The following COMMD10 variants were observed in gnomAD, a reference collection of about 807,000 sequenced individuals.
COMMD10 encodes COMM domain containing 10.
Under a neutral mutation model 28.9 loss-of-function variants are expected in COMMD10, and 33 were observed. The observed-to-expected ratio is 1.14, with a 90% CI of 0.87 to 1.53. The LOEUF (loss-of-function observed/expected upper bound fraction) is 1.53, where lower values mean the gene tolerates loss of function less well. COMMD10 is among the 40% of genes most tolerant of loss of function. The pLI, the probability that COMMD10 is intolerant of heterozygous loss-of-function variation, is 0.00. For missense variants in COMMD10, 310 were observed against 233.4 expected (o/e 1.33, Z -2.14); for synonymous variants, 110 against 81.7 (o/e 1.35, Z -1.87).
intron 5 of COMMD10, among the ~76,000 whole-genome samples, chr5:116,166,647 A>G (rs1192698779): frequency 6.6e-6 from 1 of 152,172 alleles, no homozygotes; most frequent in Non-Finnish European, 1.5e-5. Context: ...AGAGGAAGGA[A>G]CAGGCAGCAA....
chr5:116,106,979 T>C (rs1464231541), intron 4 of COMMD10, among the ~76,000 whole-genome samples: 1 of 152,220 alleles, frequency 6.6e-6, no homozygotes, highest in Non-Finnish European at 1.5e-5. Flanking sequence ...TCAGTCACAT[T>C]AAAGATTAAT....
intron 5 of COMMD10, among the ~76,000 whole-genome samples, chr5:116,153,293 A>AG (rs920859863): frequency 4.1e-5 from 2 of 48,398 alleles, no homozygotes; most frequent in Admixed American, 1.9e-4. Flanking sequence ...TCAAGAGGTA[A>AG]GTGTGGGTCA....
intron 5 of COMMD10, among the ~76,000 whole-genome samples, chr5:116,258,521 G>A (rs1328298632): frequency 6.6e-6 from 1 of 151,422 alleles, no homozygotes; most frequent in East Asian, 1.9e-4. Context: ...AAACTAGCCT[G>A]TTTTTGCATG....
intron 5 of COMMD10, among the ~76,000 whole-genome samples, chr5:116,205,364 G>C (rs1356321746): frequency 6.6e-6 from 1 of 152,030 alleles, no homozygotes; most frequent in Non-Finnish European, 1.5e-5. Context: ...ATCTTAATTA[G>C]TATACTACCT....
chr5:116,279,121 A>G (rs948310780), intron 5 of COMMD10, among the ~76,000 whole-genome samples: 2 of 151,718 alleles, frequency 1.3e-5, no homozygotes, highest in African/African-American at 4.9e-5. Context: ...GGAGAACACA[A>G]GAGACAACAT....
At chr5:116,282,056 C>T (rs1751083441) in intron 5 of COMMD10, among the ~76,000 whole-genome samples, 1 of 151,918 alleles carries the variant, frequency 6.6e-6, no homozygotes, top group African/African-American at 2.4e-5. Flanking sequence ...GGAAATCTTG[C>T]AGATATATCA....
chr5:116,178,153 A>T (rs2112591932), intron 5 of COMMD10, among the ~76,000 whole-genome samples: 1 of 152,286 alleles, frequency 6.6e-6, no homozygotes, highest in South Asian at 2.1e-4. Flanking sequence ...AAGGAAAGTA[A>T]GGTGAAAATG....
At chr5:116,142,224 C>G (rs1287316033) in intron 5 of COMMD10, among the ~76,000 whole-genome samples, 1 of 151,784 alleles carries the variant, frequency 6.6e-6, no homozygotes, top group South Asian at 2.1e-4. Flanking sequence ...TATATCATTT[C>G]AAACTCATCA....
chr5:116,148,238 G>T lies in COMMD10; in HGVS notation c.510+14060G>T, dbSNP rs548390552. 5.3e-5 allele frequency among the ~76,000 whole-genome samples: 8 copies of T among 151,856 alleles called. No individual in the cohort carries two copies. The East Asian group carries it at 1.6e-3, about 29-fold the overall frequency. ...TTGCTGAGAGACTTCCTTTTTCAGG[G>T]ATTAACATGTTTAGACATATAGTTT... On this transcript the variant is annotated intron_variant, in intron 5 of 6. Transcript: ENST00000274458.
intron 5 of COMMD10, among the ~76,000 whole-genome samples, chr5:116,171,758 C>G (rs535880078): frequency 6.6e-6 from 1 of 151,996 alleles, no homozygotes; most frequent in Admixed American, 6.6e-5. Flanking sequence ...TGCTCTCACT[C>G]ATAAGGGGGA....
chr5:116,278,639 T>C (rs1255170516), intron 5 of COMMD10, among the ~76,000 whole-genome samples: 2 of 151,876 alleles, frequency 1.3e-5, no homozygotes, highest in Non-Finnish European at 1.5e-5. Flanking sequence ...TGCGCTCTCT[T>C]ATACGATTTT....
chr5:116,193,545 A>G (rs1748428517), intron 5 of COMMD10, among the ~76,000 whole-genome samples: 1 of 152,206 alleles, frequency 6.6e-6, no homozygotes, highest in Admixed American at 6.5e-5. Context: ...CAGACAAAAC[A>G]AACTTTAAAG....
At chr5:116,166,897 C>G (rs1339337461) in intron 5 of COMMD10, among the ~76,000 whole-genome samples, 2 of 151,996 alleles carry the variant, frequency 1.3e-5, no homozygotes, top group East Asian at 3.9e-4. Flanking sequence ...GGAAAAAAAC[C>G]AATGCAGAAA....
intron 5 of COMMD10, among the ~76,000 whole-genome samples, chr5:116,270,248 G>C (rs1013299150): frequency 2.0e-5 from 3 of 151,860 alleles, no homozygotes; most frequent in African/African-American, 7.3e-5. Flanking sequence ...TTTATACATT[G>C]TTACAGCTGG....
At chr5:116,229,001 A>G (rs1749464600) in intron 5 of COMMD10, among the ~76,000 whole-genome samples, 1 of 152,034 alleles carries the variant, frequency 6.6e-6, no homozygotes, top group Non-Finnish European at 1.5e-5. Context: ...TAAAATAAAT[A>G]TTTGCCTATA....
At chr5:116,267,777 T>G (rs1277231228) in intron 5 of COMMD10, among the ~76,000 whole-genome samples, 1 of 151,170 alleles carries the variant, frequency 6.6e-6, no homozygotes, top group African/African-American at 2.4e-5. Flanking sequence ...CAGAACAGAG[T>G]CCTCAGACAT....
chr5:116,179,083 A>G (rs537362017), intron 5 of COMMD10, among the ~76,000 whole-genome samples: 34 of 121,032 alleles, frequency 2.8e-4, no homozygotes, highest in Middle Eastern at 8.0e-3. Context: ...AATAGCTGAA[A>G]GAGAACCATT....
chr5:116,139,446 C>G (rs79588520), intron 5 of COMMD10, among the ~76,000 whole-genome samples: 1,520 of 151,714 alleles, frequency 0.01, 14 homozygotes, highest in Non-Finnish European at 0.013. Context: ...GGATAGATTT[C>G]TCAGAGAAAA....
intron 5 of COMMD10, among the ~76,000 whole-genome samples, chr5:116,239,337 TACTC>T (rs769159342): frequency 1.3e-5 from 2 of 152,216 alleles, no homozygotes; most frequent in African/African-American, 2.4e-5. Context: ...ATCATAGACT[TACTC>T]ACACATTTGT....
Sources: gnomAD v4.1 joint callset for allele counts (sites outside exome capture counted in the v4.1 genomes callset) on GRCh38, gnomAD v4.1.1 for gene constraint, MANE v1.5 for transcripts, NCBI Gene and HGNC (gene_info 2026-07-23, HGNC 2026-07-21) for gene names.